Variants in CHRM3 observed in about 807,000 individuals in gnomAD.
CHRM3 encodes muscarinic acetylcholine receptor M3.
Under a neutral mutation model 41.8 loss-of-function variants are expected in CHRM3, and 11 were observed. The ratio of observed to expected loss-of-function variants is 0.26; its 90% CI spans 0.17 to 0.44. The LOEUF (loss-of-function observed/expected upper bound fraction) is 0.44, where lower values mean the gene tolerates loss of function less well. CHRM3 is among the 20% of genes least tolerant of loss of function. The pLI is 1.00. For missense variants in CHRM3, 571 were observed against 745.4 expected, an observed-to-expected ratio of 0.77 and a Z score of 2.72; for synonymous variants, 297 against 301.4, an observed-to-expected ratio of 0.99 and a Z score of 0.15.
Position 239,409,386 on chromosome 1 carries a change from C to T in CHRM3, c.-521+22159C>T, listed in dbSNP as rs185796213. ...TGAAGTTGGTTGTGTAGAAGATACT[C>T]ACTGGAGACATTGTTTCTTTGCAAT... On this transcript the variant is annotated intron_variant, in intron 1 of 6. Transcript: ENST00000676153. Among the ~76,000 whole-genome samples, 10 of 152,288 alleles carry T rather than the reference C, an allele frequency of 6.6e-5. No homozygotes were observed. In the East Asian group the frequency reaches 1.2e-3, roughly 18 times the overall value.
At chr1:239,472,520 A>G (rs1385840299) in intron 1 of CHRM3, among the ~76,000 whole-genome samples, 2 of 152,210 alleles carry the variant, frequency 1.3e-5, no homozygotes, top group Non-Finnish European at 2.9e-5. Context: ...CCAAGACTAG[A>G]CAAAATTTTT....
At chr1:239,707,650 A>G (rs964423382) in intron 5 of CHRM3, 4 of 152,234 alleles carry the variant, frequency 2.6e-5, no homozygotes, top group African/African-American at 7.2e-5. Context: ...AATAGGATGT[A>G]AATAAAACAT....
intron 5 of CHRM3, among the ~76,000 whole-genome samples, chr1:239,728,817 A>G (rs1663685358): frequency 6.6e-6 from 1 of 151,924 alleles, no homozygotes; most frequent in Non-Finnish European, 1.5e-5. Context: ...AATCATCACA[A>G]GCACTTTTAT....
At chr1:239,434,200 A>G (rs1663052881) in intron 1 of CHRM3, among the ~76,000 whole-genome samples, 1 of 152,134 alleles carries the variant, frequency 6.6e-6, no homozygotes, top group African/African-American at 2.4e-5. Context: ...GGTTTCCCTC[A>G]GTTACACTTT....
At chr1:239,590,293 T>A (rs1383065678) in intron 3 of CHRM3, among the ~76,000 whole-genome samples, 1 of 152,192 alleles carries the variant, frequency 6.6e-6, no homozygotes, top group Non-Finnish European at 1.5e-5. Context: ...AAATCAACCA[T>A]TAAAAATATG....
intron 5 of CHRM3, among the ~76,000 whole-genome samples, chr1:239,801,693 T>C (rs1257411824): frequency 3.3e-5 from 5 of 152,192 alleles, no homozygotes; most frequent in Non-Finnish European, 5.9e-5. Context: ...ATTGCATTAC[T>C]AGGTGAATAG....
intron 3 of CHRM3, among the ~76,000 whole-genome samples, chr1:239,565,653 TTAGAA>T (rs772708886): frequency 3.3e-5 from 5 of 152,184 alleles, no homozygotes; most frequent in Non-Finnish European, 5.9e-5. Flanking sequence ...TGGAAGCAGT[TTAGAA>T]TAGTTGCATT....
chr1:239,749,222 A>G (rs1202823235), intron 5 of CHRM3, among the ~76,000 whole-genome samples: 1 of 152,212 alleles, frequency 6.6e-6, no homozygotes, highest in Non-Finnish European at 1.5e-5. Flanking sequence ...ATGATTGTAA[A>G]TGAGATCTTT....
At chr1:239,691,843 A>G (rs544024587) in intron 5 of CHRM3, among the ~76,000 whole-genome samples, 75 of 152,312 alleles carry the variant, frequency 4.9e-4, no homozygotes, top group African/African-American at 1.7e-3. Flanking sequence ...CAAGCTCCAA[A>G]GGACACACCA....
At chr1:239,421,978 TG>T (rs368149051) in intron 1 of CHRM3, among the ~76,000 whole-genome samples, 8 of 152,322 alleles carry the variant, frequency 5.3e-5, no homozygotes, top group African/African-American at 1.9e-4. Flanking sequence ...GATGCAATTA[TG>T]CTCTTTAGAT....
chr1:239,768,352 G>A (rs1006218221), intron 5 of CHRM3, among the ~76,000 whole-genome samples: 4 of 152,250 alleles, frequency 2.6e-5, no homozygotes, highest in Non-Finnish European at 2.9e-5. Context: ...CAGTAGTCAG[G>A]ATAGGGTAAA....
chr1:239,825,208 T>C (rs115761843), intron 5 of CHRM3, among the ~76,000 whole-genome samples: 3,254 of 152,298 alleles, frequency 0.021, 119 homozygotes, highest in African/African-American at 0.075. Context: ...ATTCGTATTT[T>C]ATATCAATTC....
intron 5 of CHRM3, among the ~76,000 whole-genome samples, chr1:239,679,406 T>C (rs915917934): frequency 2.0e-4 from 30 of 152,118 alleles, no homozygotes; most frequent in African/African-American, 7.2e-4. Context: ...ACTCTACTAC[T>C]TAACAATGGC....
At chr1:239,525,169 C>T (rs1669910960) in intron 2 of CHRM3, among the ~76,000 whole-genome samples, 1 of 152,004 alleles carries the variant, frequency 6.6e-6, no homozygotes, top group African/African-American at 2.4e-5. Flanking sequence ...TGGAGACCAG[C>T]CTGGGCAACA....
rs994271123 is a variant in CHRM3, at chr1:239,586,096, C to T, written c.-313+40347C>T. Among the ~76,000 whole-genome samples, 13 of 152,304 alleles carry T rather than the reference C, an allele frequency of 8.5e-5. No homozygotes were observed. The East Asian group carries it at 2.5e-3, about 29-fold the overall frequency. On this transcript the variant is annotated intron_variant, in intron 3 of 6. Transcript: ENST00000676153. ...TGAAAGAGTAATTTCTGTCCACTCC[C>T]TGCCCTCCCGTGGGAGGCAGACAGG...
intron 4 of CHRM3, among the ~76,000 whole-genome samples, chr1:239,657,193 T>C (rs1672791784): frequency 6.6e-6 from 1 of 152,234 alleles, no homozygotes; most frequent in South Asian, 2.1e-4. Context: ...AACATTACAT[T>C]GTACAAAATT....
intron 5 of CHRM3, among the ~76,000 whole-genome samples, chr1:239,702,482 G>T (rs1027232275): frequency 1.3e-5 from 2 of 152,174 alleles, no homozygotes; most frequent in African/African-American, 4.8e-5. Context: ...AGTCTAGGAA[G>T]GTAAGCATTG....
Position 239,907,084 on chromosome 1 carries a change from T to C in CHRM3, c.-19-349T>C, listed in dbSNP as rs1680026204. Reference sequence around the variant, plus strand: ...CATGAAGATAAAGCTGTTTGGATAATTGTAATAGAAATGTCTGATATTTTT... The same window carrying C: ...CATGAAGATAAAGCTGTTTGGATAACTGTAATAGAAATGTCTGATATTTTT... On this transcript the variant is annotated intron_variant, in intron 6 of 6. Coordinates refer to ENST00000676153, the MANE Select transcript of CHRM3 (RefSeq NM_001375978.1). This position sits in a 1 kb window ranked among gnomAD's most constrained non-coding sequence, Gnocchi z 5.4. Among the ~76,000 whole-genome samples the C allele has an allele frequency of 6.6e-6, 1 of 152,184 alleles. No homozygotes were observed. Among genetic ancestry groups the C allele is most frequent in the South Asian group, 2.1e-4 (1 of 4,832 alleles).
At chr1:239,825,749 C>G (rs1429272272) in intron 5 of CHRM3, among the ~76,000 whole-genome samples, 1 of 152,034 alleles carries the variant, frequency 6.6e-6, no homozygotes, top group Non-Finnish European at 1.5e-5. Context: ...GGGTCTTGCT[C>G]TTTTTCCCAG....
Sources: gnomAD v4.1 joint callset for allele counts (sites outside exome capture counted in the v4.1 genomes callset) on GRCh38, gnomAD v4.1.1 for gene constraint, Gnocchi (gnomAD v3.1) non-coding constraint, MANE v1.5 for transcripts, NCBI Gene and HGNC (gene_info 2026-07-23, HGNC 2026-07-21) for gene names.